UNKL: variants seen among roughly 807,000 people sequenced by gnomAD.
UNKL encodes putative E3 ubiquitin-protein ligase UNKL.
In UNKL, 60 loss-of-function variants were observed where a neutral mutation model predicts 78.0. The ratio of observed to expected loss-of-function variants is 0.77; its 90% CI spans 0.63 to 0.95. The LOEUF (loss-of-function observed/expected upper bound fraction) is 0.95, where lower values mean the gene tolerates loss of function less well. Ranked by LOEUF, UNKL falls within the 40% of genes least tolerant of loss-of-function variation. UNKL has a pLI of 0.00. For synonymous variants in UNKL, 608 were observed against 474.8 expected, an observed-to-expected ratio of 1.28 and a Z score of -3.65; for missense variants, 1,159 against 1,045.7, an observed-to-expected ratio of 1.11 and a Z score of -1.49.
intron 9 of UNKL, among the ~76,000 whole-genome samples, chr16:1,388,717 G>T (rs559803712): frequency 2.0e-5 from 3 of 151,780 alleles, no homozygotes; most frequent in Non-Finnish European, 4.4e-5. Context: ...TGAGGATCCC[G>T]CACCTTCACT....
intron 6 of UNKL, chr16:1,394,634 A>C (rs1021878323): frequency 1.8e-4 from 75 of 411,426 alleles, no homozygotes; most frequent in African/African-American, 1.4e-3. Context: ...TGAGGTCAAC[A>C]ACACTTAAGA....
chr16:1,396,917 TCTG>T, intron 6 of UNKL: 1 of 501,868 alleles, frequency 2.0e-6, no homozygotes, highest in Non-Finnish European at 3.6e-6. Context: ...ACATTTTCTC[TCTG>T]CTTTTTTCCC....
At chr16:1,376,461 C>T (rs765772761) in intron 10 of UNKL, among the ~76,000 whole-genome samples, 8 of 149,616 alleles carry the variant, frequency 5.3e-5, no homozygotes, top group Non-Finnish European at 1.2e-4. Flanking sequence ...GCACACTCCT[C>T]CTCCCTCCAG....
chr16:1,388,906 T>C (rs1250744624), intron 9 of UNKL, among the ~76,000 whole-genome samples: 2 of 152,118 alleles, frequency 1.3e-5, no homozygotes, highest in Admixed American at 1.3e-4. Flanking sequence ...TATAGTGAAA[T>C]ATAATATAAA....
At chr16:1,400,159 G>A (rs968152985) in intron 4 of UNKL, among the ~76,000 whole-genome samples, 1 of 152,058 alleles carries the variant, frequency 6.6e-6, no homozygotes, top group Non-Finnish European at 1.5e-5. Context: ...GGTGGCTCAC[G>A]CCTGTTATCC....
intron 6 of UNKL, 186 bp from the exon 7 acceptor site, chr16:1,394,401 A>C (rs773336923): frequency 1.4e-6 from 1 of 737,112 alleles, no homozygotes; most frequent in South Asian, 1.5e-5. Flanking sequence ...CTCTCTGCAG[A>C]GCCGACCCAC....
chr16:1,390,243 C>G (rs1004053804), intron 9 of UNKL, among the ~76,000 whole-genome samples: 3 of 152,172 alleles, frequency 2.0e-5, no homozygotes, highest in African/African-American at 7.2e-5. Context: ...ACCTTGGCCT[C>G]TCAAAGTGCT....
intron 11 of UNKL, 68 bp from the exon 12 acceptor site, chr16:1,370,425 G>A (rs377590699): frequency 1.8e-5 from 27 of 1,513,082 alleles, no homozygotes; most frequent in Admixed American, 1.5e-4. Flanking sequence ...TGCCATGGGC[G>A]GCAGCCGTGG....
In UNKL at chr16:1,366,040, G is replaced by A. The variant is rs1469950373; in HGVS notation, c.*200C>T. ...TACCTTGAAACCGTCGGTAGGACTA[G>A]ATAGGTGACAACGTGTGACAGGAAA... On this transcript the variant is annotated 3_prime_UTR_variant, in exon 15 of 15. Coordinates refer to ENST00000389221, the MANE Select transcript of UNKL (RefSeq NM_001372107.1). 5.3e-6 allele frequency: 3 copies of A among 566,606 alleles called. No individual in the cohort carries two copies. Among genetic ancestry groups the A allele is most frequent in the Non-Finnish European group, 8.7e-6 (3 of 343,164 alleles). 35.1% of individuals were successfully genotyped at this position (566,606 alleles called of 1,614,324 possible).
chr16:1,367,487 TCCCTCCCTCCCTCCCTCCCTCCCTCC>T (rs2035381795), intron 13 of UNKL, 138 bp from the exon 14 acceptor site: 2 of 16,960 alleles, frequency 1.2e-4, no homozygotes, highest in Non-Finnish European at 1.9e-4. Flanking sequence ...CCTGCGGCCC[TCCCTCCCTCCCTCCCTCCCTCCCTCC>T]CCCTCCCGTC....
chr16:1,403,088 C>G lies in UNKL; in HGVS notation c.464+80G>C. 6.8e-7 allele frequency: 1 copy of G among 1,470,370 alleles called. No homozygotes were observed. Among genetic ancestry groups the G allele is most frequent in the Non-Finnish European group, 9.1e-7 (1 of 1,103,742 alleles). 91.1% of individuals were successfully genotyped at this position (1,470,370 alleles called of 1,614,324 possible). On this transcript the variant is annotated intron_variant, in intron 3 of 14. Coordinates refer to ENST00000389221, the MANE Select transcript of UNKL (RefSeq NM_001372107.1). The surrounding 1 kb of genome is among the most constrained non-coding windows in gnomAD (Gnocchi z 4.8). ...GAGCCTGCAGCAGCAGGGAGGCGAGCCACTTGCCGAGTTCCTGCTCATCCA... is the reference window on the plus strand; with the variant it reads ...GAGCCTGCAGCAGCAGGGAGGCGAGGCACTTGCCGAGTTCCTGCTCATCCA...
At chr16:1,380,997 AAG>A (rs1567215333) in intron 10 of UNKL, among the ~76,000 whole-genome samples, 1 of 152,158 alleles carries the variant, frequency 6.6e-6, no homozygotes, top group African/African-American at 2.4e-5. Flanking sequence ...AAGTAAATGA[AAG>A]AGTGTGCTTC....
intron 10 of UNKL, among the ~76,000 whole-genome samples, chr16:1,380,769 G>A (rs1036685279): frequency 3.6e-5 from 5 of 140,400 alleles, no homozygotes; most frequent in Admixed American, 7.8e-5. Context: ...CCGCCTTTGC[G>A]GTCCAAGCAA....
chr16:1,399,726 T>C lies in UNKL; in HGVS notation c.599-217A>G, dbSNP rs778029371. On this transcript the variant is annotated intron_variant, in intron 4 of 14. Transcript: ENST00000389221. This position sits in a 1 kb window ranked among gnomAD's most constrained non-coding sequence, Gnocchi z 5.8. ...AGGCCACGTGGTGTGATTCTGTTTATGTGAAAATGCCCAGAACTAGGGAAC... is the reference window on the plus strand; with the variant it reads ...AGGCCACGTGGTGTGATTCTGTTTACGTGAAAATGCCCAGAACTAGGGAAC... Among the ~76,000 whole-genome samples the C allele has an allele frequency of 6.6e-6, 1 of 152,126 alleles. No individual in the cohort carries two copies. Among genetic ancestry groups the C allele is most frequent in the African/African-American group, 2.4e-5 (1 of 41,426 alleles).
Position 1,366,174 on chromosome 16 carries a change from A to C in UNKL, c.*66T>G. 1 of 1,419,188 alleles carries C rather than the reference A, an allele frequency of 7.0e-7. No homozygotes were observed. Among genetic ancestry groups the C allele is most frequent in the Non-Finnish European group, 9.3e-7 (1 of 1,077,278 alleles). The allele number at this position is 1,419,188 out of a possible 1,614,324, so 87.9% of individuals were successfully genotyped here. A position where few individuals can be genotyped will look rare whatever the true frequency, so the allele number is the denominator to read the frequency against. ...GGTGGCACCAGAAGCGAGTGACGACATGTCCGTGGTCAGGAGGAGCGCTGG... is the reference window on the plus strand; with the variant it reads ...GGTGGCACCAGAAGCGAGTGACGACCTGTCCGTGGTCAGGAGGAGCGCTGG... On this transcript the variant is annotated 3_prime_UTR_variant, in exon 15 of 15. Coordinates refer to ENST00000389221, the MANE Select transcript of UNKL (RefSeq NM_001372107.1).
At position 1,367,105 on chromosome 16, in the gene UNKL, T is replaced by C; in HGVS notation, c.2033A>G (p.Glu678Gly). The change falls in exon 14 of 15, where the codon GAG becomes GGG. Residue 678 changes from glutamate (E) to glycine (G), a missense_variant. Transcript: ENST00000389221. Reference sequence around the variant, plus strand: ...AGCAGGACTCACGCCGTCCACCGCCTCCAGGTCCAGGCGCAGCTGACTCTG... The same window carrying C: ...AGCAGGACTCACGCCGTCCACCGCCCCCAGGTCCAGGCGCAGCTGACTCTG... The part of the protein sequence containing the change: ...SLQSQLRLDL[E>G]AVDGVIFQLR... The C allele has an allele frequency of 6.3e-7, 1 of 1,574,966 alleles. No individual in the cohort carries two copies. Among genetic ancestry groups the C allele is most frequent in the Non-Finnish European group, 8.6e-7 (1 of 1,164,300 alleles).
chr16:1,402,673 AAAAG>A (rs1351336367), intron 3 of UNKL, among the ~76,000 whole-genome samples: 1 of 148,908 alleles, frequency 6.7e-6, no homozygotes, highest in Non-Finnish European at 1.5e-5. Context: ...AAAAAACAAA[AAAAG>A]AAAAGAAAAG....
At chr16:1,376,787 G>A (rs2036260497) in intron 10 of UNKL, among the ~76,000 whole-genome samples, 1 of 152,020 alleles carries the variant, frequency 6.6e-6, no homozygotes, top group Non-Finnish European at 1.5e-5. Flanking sequence ...GTCCTCATTT[G>A]CACGTCAGGC....
rs996664770 is a variant in UNKL at position 1,399,902 on chromosome 16, A to T, written c.599-393T>A. On this transcript the variant is annotated intron_variant, in intron 4 of 14. Coordinates refer to ENST00000389221, the MANE Select transcript of UNKL (RefSeq NM_001372107.1). This position sits in a 1 kb window ranked among gnomAD's most constrained non-coding sequence, Gnocchi z 5.8. ...TGAGAATATGCTAAAATCCAGAGAC[A>T]TGCACACCCCGAAATGCCGCATGGT... Among the ~76,000 whole-genome samples, 1 of 151,994 alleles carries T rather than the reference A, an allele frequency of 6.6e-6. No homozygotes were observed. The highest frequency in any genetic ancestry group is 1.5e-5 in the Non-Finnish European group (1 of 68,012).
Sources: gnomAD v4.1 joint callset for allele counts (sites outside exome capture counted in the v4.1 genomes callset) on GRCh38, gnomAD v4.1.1 for gene constraint, Gnocchi (gnomAD v3.1) non-coding constraint, MANE v1.5 for transcripts, NCBI Gene and HGNC (gene_info 2026-07-23, HGNC 2026-07-21) for gene names.